DNAH7: variants seen among roughly 807,000 people sequenced by gnomAD.
The protein encoded by DNAH7 is axonemal beta dynein heavy chain 7.
Under a neutral mutation model 444.6 loss-of-function variants are expected in DNAH7, and 397 were observed. The ratio of observed to expected loss-of-function variants is 0.89; its 90% CI spans 0.82 to 0.97. The LOEUF (loss-of-function observed/expected upper bound fraction) is 0.97, where lower values mean the gene tolerates loss of function less well. DNAH7 is among the 50% of genes least tolerant of loss of function. The probability of loss-of-function intolerance (pLI) is 0.00; values close to 1 mark genes in which losing one functional copy is unlikely to be tolerated. For synonymous variants in DNAH7, 1,636 were observed against 1,624.4 expected (o/e 1.01, Z -0.17); for missense variants, 4,902 against 4,800.8 (o/e 1.02, Z -0.62).
At chr2:195,757,088 G>A (rs1056265564) in intron 61 of DNAH7, among the ~76,000 whole-genome samples, 1 of 151,888 alleles carries the variant, frequency 6.6e-6, no homozygotes, top group Non-Finnish European at 1.5e-5. Context: ...TCGACCTCCC[G>A]AAGTGCTGGG....
At chr2:195,874,363 C>T (rs1700898990) in intron 38 of DNAH7, among the ~76,000 whole-genome samples, 1 of 152,172 alleles carries the variant, frequency 6.6e-6, no homozygotes, top group South Asian at 2.1e-4. Flanking sequence ...GTAAGATCAT[C>T]TACCCCAGCT....
intron 10 of DNAH7, 105 bp from the exon 11 acceptor site, chr2:196,001,963 A>C: frequency 1.2e-6 from 1 of 851,124 alleles, no homozygotes; most frequent in South Asian, 2.4e-5. Flanking sequence ...CTTCATAGAG[A>C]AGTATATTGC....
intron 51 of DNAH7, among the ~76,000 whole-genome samples, chr2:195,813,647 G>A (rs986725842): frequency 6.6e-6 from 1 of 152,210 alleles, no homozygotes; most frequent in Non-Finnish European, 1.5e-5. Context: ...TAAGTGTGAT[G>A]TAATGGGTTT....
At chr2:196,056,418 T>TG (rs1447815099) in intron 2 of DNAH7, among the ~76,000 whole-genome samples, 3 of 134,326 alleles carry the variant, frequency 2.2e-5, no homozygotes, top group Non-Finnish European at 4.7e-5. Flanking sequence ...GCACTCTGTC[T>TG]GAAAAAAAAA....
intron 9 of DNAH7, among the ~76,000 whole-genome samples, chr2:196,017,301 C>T (rs1374530500): frequency 6.6e-6 from 1 of 152,212 alleles, no homozygotes; most frequent in Non-Finnish European, 1.5e-5. Flanking sequence ...GCGTGAGCCA[C>T]AACACTTGGC....
chr2:195,985,230 G>A (rs1486429380), intron 14 of DNAH7, among the ~76,000 whole-genome samples: 1 of 152,138 alleles, frequency 6.6e-6, no homozygotes, highest in Non-Finnish European at 1.5e-5. Context: ...AGTAGCAAGA[G>A]CTAAGGGAGT....
At chr2:196,058,534 A>G (rs888346790) in intron 1 of DNAH7, among the ~76,000 whole-genome samples, 1 of 152,216 alleles carries the variant, frequency 6.6e-6, no homozygotes, top group Non-Finnish European at 1.5e-5. Flanking sequence ...CTAAAAATCA[A>G]TTGTATTTAA....
chr2:195,824,735 C>G (rs1424343875), intron 48 of DNAH7, among the ~76,000 whole-genome samples: 1 of 152,046 alleles, frequency 6.6e-6, no homozygotes, highest in Non-Finnish European at 1.5e-5. Flanking sequence ...ACCAGGCGCC[C>G]AGGTATTATG....
chr2:195,907,325 T>C (rs976433289), intron 25 of DNAH7, among the ~76,000 whole-genome samples: 4 of 152,142 alleles, frequency 2.6e-5, no homozygotes, highest in African/African-American at 9.7e-5. Flanking sequence ...ACTTGCTTAC[T>C]CCACATGGAT....
chr2:195,738,711 A>AT (rs1481739602), intron 64 of DNAH7, among the ~76,000 whole-genome samples: 2 of 152,166 alleles, frequency 1.3e-5, no homozygotes, highest in Non-Finnish European at 2.9e-5. Flanking sequence ...TAAAAATAAG[A>AT]TTTTGAGGCA....
At chr2:195,788,713 G>T (rs1695739103) in intron 57 of DNAH7, among the ~76,000 whole-genome samples, 1 of 152,172 alleles carries the variant, frequency 6.6e-6, no homozygotes, top group Admixed American at 6.6e-5. Context: ...GCTTCTCATT[G>T]CAGAAGAAGG....
At chr2:195,831,274 G>A (rs1698057461) in intron 48 of DNAH7, among the ~76,000 whole-genome samples, 1 of 152,026 alleles carries the variant, frequency 6.6e-6, no homozygotes, top group African/African-American at 2.4e-5. Context: ...TTTTTTTTAA[G>A]CAGCAGAATA....
intron 17 of DNAH7, among the ~76,000 whole-genome samples, chr2:195,968,209 T>A (rs1395665899): frequency 6.6e-6 from 1 of 152,156 alleles, no homozygotes; most frequent in Non-Finnish European, 1.5e-5. Flanking sequence ...TATCCCAGTG[T>A]GGCTGAGTTG....
At position 195,883,451 on chromosome 2, in the gene DNAH7, T is replaced by TCCG. The variant is rs1553548100; in HGVS notation, c.5763+1133_5763+1134insCGG. On this transcript the variant is annotated intron_variant, in intron 35 of 64. Coordinates refer to ENST00000312428, the MANE Select transcript of DNAH7 (RefSeq NM_018897.3). The stretch of plus-strand genomic sequence containing the variant: ...CAACACAGCGAGACTCAGTCCCCGC[T>TCCG]CCCCCCCCCCAAAAAAAAAGAATCA... Among the ~76,000 whole-genome samples the TCCG allele has an allele frequency of 6.2e-3, 748 of 121,138 alleles. 6 individuals carry two copies. Among genetic ancestry groups the TCCG allele is most frequent in the Middle Eastern group, 9.1e-3 (2 of 220 alleles). 79.5% of individuals were successfully genotyped at this position (121,138 alleles called of 152,430 possible).
chr2:196,036,171 ACAGGTGCCC>A (rs1179464721), intron 5 of DNAH7, among the ~76,000 whole-genome samples: 1 of 152,012 alleles, frequency 6.6e-6, no homozygotes, highest in Non-Finnish European at 1.5e-5. Context: ...AGCTGGAACT[ACAGGTGCCC>A]GCCACCATGC....
chr2:195,837,792 GT>G (rs544342072), intron 47 of DNAH7, among the ~76,000 whole-genome samples: 69 of 152,152 alleles, frequency 4.5e-4, no homozygotes, highest in Middle Eastern at 3.4e-3. Flanking sequence ...CTGGACAGAA[GT>G]AAAAAAAGAG....
At position 195,906,735 on chromosome 2, in the gene DNAH7, A is replaced by G; in HGVS notation, c.4259T>C (p.Leu1420Pro). 1.2e-6 allele frequency: 2 copies of G among 1,613,512 alleles called. No homozygotes were observed. Among genetic ancestry groups the G allele is most frequent in the South Asian group, 1.1e-5 (1 of 91,062 alleles). ...TATAAAGACAGCACATGTGGGGTCA[A>G]GTTTTAGTTCAGTTCCTTCAAACAT... is the stretch of plus-strand genomic sequence containing the variant. The part of the protein sequence containing the change: ...ILMFEGTELK[L>P]DPTCAVFITM... Residue 1420 changes from leucine to proline, a missense_variant, in exon 27 of 65, where the codon CTT becomes CCT. Coordinates refer to ENST00000312428, the MANE Select transcript of DNAH7 (RefSeq NM_018897.3).
At chr2:196,031,736 C>T (rs1696070175) in intron 5 of DNAH7, among the ~76,000 whole-genome samples, 1 of 152,180 alleles carries the variant, frequency 6.6e-6, no homozygotes, top group Non-Finnish European at 1.5e-5. Context: ...GCTCCAGTTC[C>T]CAACAAGTTC....
chr2:195,844,077 C>T (rs903030763), intron 47 of DNAH7, among the ~76,000 whole-genome samples: 1 of 150,676 alleles, frequency 6.6e-6, no homozygotes, highest in African/African-American at 2.4e-5. Flanking sequence ...GCCTGGGCAA[C>T]GGAGTGAGAC....
Sources: gnomAD v4.1 joint callset for allele counts (sites outside exome capture counted in the v4.1 genomes callset) on GRCh38, gnomAD v4.1.1 for gene constraint, MANE v1.5 for transcripts, NCBI Gene and HGNC (gene_info 2026-07-23, HGNC 2026-07-21) for gene names.